The following ANKRD12 variants were observed in gnomAD, a reference collection of about 807,000 sequenced individuals.
ANKRD12 encodes the protein ankyrin repeat domain 12.
A neutral mutation model predicts 183.4 loss-of-function variants in ANKRD12; 85 were observed. The ratio of observed to expected loss-of-function variants is 0.46; its 90% CI spans 0.39 to 0.56. ANKRD12 has a LOEUF of 0.56. Among genes scored for constraint, ANKRD12 ranks in the 20% least tolerant of loss-of-function variants. The probability of loss-of-function intolerance (pLI) is 0.00; values close to 1 mark genes in which losing one functional copy is unlikely to be tolerated. For synonymous variants in ANKRD12, 914 were observed against 800.2 expected (o/e 1.14, Z -2.40); for missense variants, 2,405 against 2,357.1 (o/e 1.02, Z -0.42).
At chr18:9,187,933 T>G (rs1034413434) in intron 2 of ANKRD12, among the ~76,000 whole-genome samples, 2 of 152,238 alleles carry the variant, frequency 1.3e-5, no homozygotes, top group African/African-American at 4.8e-5. Flanking sequence ...TGAGAATTTT[T>G]TCTTTTATTA....
chr18:9,159,170 T>A (rs1041957839), intron 1 of ANKRD12, among the ~76,000 whole-genome samples: 1 of 152,208 alleles, frequency 6.6e-6, no homozygotes, highest in African/African-American at 2.4e-5. Flanking sequence ...GTGTGCTTCT[T>A]GCTACTGGGC....
At chr18:9,147,568 A>G (rs1373413470) in intron 1 of ANKRD12, among the ~76,000 whole-genome samples, 1 of 152,210 alleles carries the variant, frequency 6.6e-6, no homozygotes, top group Non-Finnish European at 1.5e-5. Flanking sequence ...GTTCATCTCA[A>G]CTGTGACCTA....
At chr18:9,262,103 T>C (rs80254665) in intron 9 of ANKRD12, among the ~76,000 whole-genome samples, 3,883 of 152,304 alleles carry the variant, frequency 0.025, 79 homozygotes, top group Non-Finnish European at 0.041. Context: ...ATTGAGTCTT[T>C]GTGGTGTTAT....
At chr18:9,157,564 T>TGG (rs2030728806) in intron 1 of ANKRD12, among the ~76,000 whole-genome samples, 2 of 110,468 alleles carry the variant, frequency 1.8e-5, no homozygotes, top group African/African-American at 9.3e-5. Context: ...TGTGTGTGTG[T>TGG]GTGTGTGTGT....
intron 8 of ANKRD12, among the ~76,000 whole-genome samples, chr18:9,235,065 C>A (rs1271231676): frequency 6.6e-6 from 1 of 152,112 alleles, no homozygotes; most frequent in Non-Finnish European, 1.5e-5. Flanking sequence ...GGTATGATTA[C>A]CTATTTGCAA....
intron 1 of ANKRD12, among the ~76,000 whole-genome samples, chr18:9,166,235 C>T (rs2032050972): frequency 6.6e-6 from 1 of 152,142 alleles, no homozygotes; most frequent in Non-Finnish European, 1.5e-5. Flanking sequence ...GGTATATACC[C>T]AGTAATGGGA....
At chr18:9,209,121 C>G (rs1192295745) in intron 5 of ANKRD12, among the ~76,000 whole-genome samples, 5 of 152,132 alleles carry the variant, frequency 3.3e-5, no homozygotes, top group Non-Finnish European at 7.4e-5. Context: ...TGTCACATTT[C>G]CAGCTAAGGT....
intron 3 of ANKRD12, among the ~76,000 whole-genome samples, chr18:9,196,094 AT>A (rs2034766621): frequency 8.6e-6 from 1 of 116,398 alleles, no homozygotes; most frequent in Non-Finnish European, 1.8e-5. Context: ...TCAGAAATAA[AT>A]TAGAAACATG....
chr18:9,165,900 G>C (rs1280883047), intron 1 of ANKRD12, among the ~76,000 whole-genome samples: 1 of 130,950 alleles, frequency 7.6e-6, no homozygotes, highest in Non-Finnish European at 1.5e-5. Context: ...TCCCTGGTGT[G>C]TGATGTTCCC....
chr18:9,215,522 A>G (rs1473871160), intron 6 of ANKRD12, among the ~76,000 whole-genome samples: 1 of 152,128 alleles, frequency 6.6e-6, no homozygotes, highest in African/African-American at 2.4e-5. Flanking sequence ...GTGGTGTACA[A>G]ACATGGTGTT....
At chr18:9,219,853 G>A (rs1430955928) in intron 7 of ANKRD12, among the ~76,000 whole-genome samples, 1 of 151,858 alleles carries the variant, frequency 6.6e-6, no homozygotes, top group Non-Finnish European at 1.5e-5. Flanking sequence ...AGGTTTTTTA[G>A]CTCTCACATC....
In ANKRD12 at chr18:9,253,175, C is replaced by T. The variant is rs138869861; in HGVS notation, c.944-1036C>T. Among the ~76,000 whole-genome samples the T allele has an allele frequency of 2.9e-3, 434 of 152,208 alleles. 2 individuals carry two copies. The highest frequency in any genetic ancestry group is 0.017 in the Middle Eastern group (5 of 294). ...GTAAAAAACCAAGGTAATTGGTTTA[C>T]CTCAAGCATTTATCATTTATTTGTG... On this transcript the variant is annotated intron_variant, in intron 8 of 12. Coordinates refer to ENST00000262126, the MANE Select transcript of ANKRD12 (RefSeq NM_015208.5).
At chr18:9,274,507 A>G (rs1334149948) in intron 10 of ANKRD12, among the ~76,000 whole-genome samples, 1 of 152,198 alleles carries the variant, frequency 6.6e-6, no homozygotes, top group Non-Finnish European at 1.5e-5. Flanking sequence ...TAATTCATAG[A>G]GACAAAAGTT....
chr18:9,227,196 A>G (rs761924453), intron 8 of ANKRD12, among the ~76,000 whole-genome samples: 39 of 152,248 alleles, frequency 2.6e-4, no homozygotes, highest in Middle Eastern at 3.4e-3. Flanking sequence ...ATATACATAT[A>G]TATAGAAAGA....
chr18:9,199,578 A>G (rs986526679), intron 3 of ANKRD12, among the ~76,000 whole-genome samples: 9 of 152,300 alleles, frequency 5.9e-5, no homozygotes, highest in South Asian at 2.1e-4. Context: ...TATCTCTAGC[A>G]AGGGATTAAC....
At chr18:9,170,089 G>A (rs9675608) in intron 1 of ANKRD12, among the ~76,000 whole-genome samples, 43,000 of 152,118 alleles carry the variant, frequency 0.28, 6,318 homozygotes, top group South Asian at 0.47. Flanking sequence ...TCAGCTGTTA[G>A]TCTGATGGGC....
intron 5 of ANKRD12, among the ~76,000 whole-genome samples, chr18:9,209,429 G>A (rs2035659303): frequency 6.6e-6 from 1 of 152,104 alleles, no homozygotes; most frequent in African/African-American, 2.4e-5. Flanking sequence ...TGAATTCAAA[G>A]CAATTTTATG....
chr18:9,251,843 T>C (rs1258815402), intron 8 of ANKRD12, among the ~76,000 whole-genome samples: 4 of 152,190 alleles, frequency 2.6e-5, no homozygotes, highest in African/African-American at 9.6e-5. Context: ...ATAAAATGTT[T>C]TAACAGTTGC....
At position 9,256,300 on chromosome 18, in the gene ANKRD12, T is replaced by C. The variant is rs562633635; in HGVS notation, c.3033T>C (p.Thr1011=). Residue 1011 remains threonine, a synonymous_variant, in exon 9 of 13, where the codon ACT becomes ACC. Coordinates refer to ENST00000262126, the MANE Select transcript of ANKRD12 (RefSeq NM_015208.5). ...AAACAAAAGATGAACCTTTGAAAACTCCAGATGGAAAAGAAAAAGATAAAA... is the reference window on the plus strand; with the variant it reads ...AAACAAAAGATGAACCTTTGAAAACCCCAGATGGAAAAGAAAAAGATAAAA... ...KEKTKDEPLK[T]PDGKEKDKKD... The C allele has an allele frequency of 6.9e-6, 11 of 1,598,942 alleles. No homozygotes were observed. The South Asian group carries it at 1.1e-4, about 17-fold the overall frequency.
Sources: allele counts gnomAD v4.1 joint callset (sites outside exome capture counted in the v4.1 genomes callset), GRCh38; gene constraint gnomAD v4.1.1; transcripts MANE v1.5; gene names NCBI Gene and HGNC (gene_info 2026-07-23, HGNC 2026-07-21).